The following VAV3 variants were observed in gnomAD, a reference collection of about 807,000 sequenced individuals.
VAV3 encodes guanine nucleotide exchange factor VAV3.
In VAV3, 94 loss-of-function variants were observed where a neutral mutation model predicts 131.2. That is an observed-to-expected ratio of 0.72 (90% CI 0.61 to 0.85). The LOEUF is 0.85. Among genes scored for constraint, VAV3 ranks in the 40% least tolerant of loss-of-function variants. The pLI is 0.00. For synonymous variants in VAV3, 349 were observed against 342.0 expected (o/e 1.02, Z -0.22); for missense variants, 939 against 1,002.7 (o/e 0.94, Z 0.86).
Position 107,571,630 on chromosome 1 carries a change from T to G in VAV3, c.*1701A>C, listed in dbSNP as rs1649266672. On this transcript the variant is annotated 3_prime_UTR_variant, in exon 27 of 27. Coordinates refer to ENST00000370056, the MANE Select transcript of VAV3 (RefSeq NM_006113.5). Reference sequence around the variant, plus strand: ...ATAAGACTTTACAGGAAAGAATCCATTCCAAGAGTACACTTTGAGGTGTAA... The same window carrying G: ...ATAAGACTTTACAGGAAAGAATCCAGTCCAAGAGTACACTTTGAGGTGTAA... The G allele has an allele frequency of 6.6e-6, 1 of 152,608 alleles. No individual in the cohort carries two copies. Among genetic ancestry groups the G allele is most frequent in the African/African-American group, 2.4e-5 (1 of 41,440 alleles). 9.5% of individuals were successfully genotyped at this position (152,608 alleles called of 1,614,324 possible). A position where few individuals can be genotyped will look rare whatever the true frequency, so the allele number is the denominator to read the frequency against.
intron 25 of VAV3, among the ~76,000 whole-genome samples, chr1:107,590,079 C>G (rs1650818942): frequency 6.6e-6 from 1 of 152,180 alleles, no homozygotes; most frequent in Non-Finnish European, 1.5e-5. Context: ...AGACCACACC[C>G]AGGGAGAGAC....
chr1:107,865,769 G>T (rs1669956425), intron 2 of VAV3, among the ~76,000 whole-genome samples: 2 of 152,184 alleles, frequency 1.3e-5, no homozygotes, highest in African/African-American at 2.4e-5. Flanking sequence ...TCAGGTGAAG[G>T]TTTGGCAATT....
chr1:107,774,974 AGGTG>A (rs1665265203), intron 4 of VAV3, among the ~76,000 whole-genome samples: 2 of 151,670 alleles, frequency 1.3e-5, no homozygotes, highest in African/African-American at 2.4e-5. Flanking sequence ...TGGGAGGCCA[AGGTG>A]GGTGGATTGC....
chr1:107,702,915 C>T (rs371578808), intron 17 of VAV3, among the ~76,000 whole-genome samples: 3 of 151,972 alleles, frequency 2.0e-5, no homozygotes, highest in Non-Finnish European at 2.9e-5. Flanking sequence ...TCATAATAAT[C>T]GTCTAATTTA....
intron 18 of VAV3, among the ~76,000 whole-genome samples, chr1:107,686,313 A>G (rs1415284118): frequency 1.3e-5 from 2 of 152,168 alleles, no homozygotes; most frequent in African/African-American, 4.8e-5. Flanking sequence ...AATAAAGTGC[A>G]AAATTTAAAA....
chr1:107,576,312 G>T (rs1159412183), intron 25 of VAV3: 4 of 1,198,590 alleles, frequency 3.3e-6, no homozygotes. Context: ...ATCCGTATGA[G>T]AAGCCATACA....
At chr1:107,908,322 T>C (rs1034891320) in intron 1 of VAV3, among the ~76,000 whole-genome samples, 1 of 152,216 alleles carries the variant, frequency 6.6e-6, no homozygotes, top group Non-Finnish European at 1.5e-5. Flanking sequence ...ACTGTAGGGC[T>C]ATAGGTGGCT....
At chr1:107,799,305 A>G (rs1274706833) in intron 2 of VAV3, among the ~76,000 whole-genome samples, 8 of 150,354 alleles carry the variant, frequency 5.3e-5, no homozygotes, top group African/African-American at 2.0e-4. Context: ...TTTAGTGTTC[A>G]CCTATCAAAA....
chr1:107,877,756 T>A (rs1428240341), intron 1 of VAV3, among the ~76,000 whole-genome samples: 2 of 152,170 alleles, frequency 1.3e-5, no homozygotes, highest in Non-Finnish European at 2.9e-5. Flanking sequence ...CTGGAAATGT[T>A]AAAAATGAAC....
chr1:107,633,087 T>C (rs1654627567), intron 20 of VAV3, among the ~76,000 whole-genome samples: 1 of 152,304 alleles, frequency 6.6e-6, no homozygotes, highest in Admixed American at 6.5e-5. Context: ...ACTTTTAACA[T>C]TATGTGGCTG....
At chr1:107,902,403 T>A (rs1267006113) in intron 1 of VAV3, among the ~76,000 whole-genome samples, 1 of 152,240 alleles carries the variant, frequency 6.6e-6, no homozygotes, top group Admixed American at 6.5e-5. Context: ...TTTGTCTACA[T>A]ATGATGATTG....
At chr1:107,669,521 A>T in intron 19 of VAV3, 1 of 1,272,876 alleles carries the variant, frequency 7.9e-7, no homozygotes. Flanking sequence ...ATGCCTGAAA[A>T]TTTCACCATG....
At chr1:107,664,003 A>G (rs961980067) in intron 19 of VAV3, among the ~76,000 whole-genome samples, 60 of 152,302 alleles carry the variant, frequency 3.9e-4, no homozygotes, top group Non-Finnish European at 1.0e-4. Context: ...GCTTTTCATT[A>G]TTTTTGTACA....
At chr1:107,657,649 G>A (rs1378428497) in intron 19 of VAV3, among the ~76,000 whole-genome samples, 2 of 152,150 alleles carry the variant, frequency 1.3e-5, no homozygotes, top group Admixed American at 1.3e-4. Context: ...GAGGTCAACT[G>A]AAGTTCCACA....
In VAV3 at chr1:107,695,612, G is replaced by A. The variant is rs1248268336; in HGVS notation, c.1706-7206C>T. On this transcript the variant is annotated intron_variant, in intron 17 of 26. Transcript: ENST00000370056. Reference sequence around the variant, plus strand: ...AGGTCAATGCAAGACGCATGGGAGGGGATATGTAAGGAGAAGATGGTAATT... The same window carrying A: ...AGGTCAATGCAAGACGCATGGGAGGAGATATGTAAGGAGAAGATGGTAATT... Among the ~76,000 whole-genome samples, 3 of 152,100 alleles carry A rather than the reference G, an allele frequency of 2.0e-5. No homozygotes were observed. In the East Asian group the frequency reaches 5.8e-4, roughly 29 times the overall value.
chr1:107,890,736 C>T (rs1671272579), intron 1 of VAV3, among the ~76,000 whole-genome samples: 1 of 152,204 alleles, frequency 6.6e-6, no homozygotes, highest in Admixed American at 6.5e-5. Flanking sequence ...CTTCTTTACC[C>T]CCAACTCTAG....
intron 17 of VAV3, among the ~76,000 whole-genome samples, chr1:107,689,904 T>G (rs893578687): frequency 6.6e-6 from 1 of 152,188 alleles, no homozygotes; most frequent in Admixed American, 6.5e-5. Flanking sequence ...TGAGACTTGC[T>G]TCACTGGTTT....
chr1:107,958,066 T>C (rs552637705), intron 1 of VAV3, among the ~76,000 whole-genome samples: 2 of 152,236 alleles, frequency 1.3e-5, no homozygotes, highest in African/African-American at 4.8e-5. Flanking sequence ...ACAACTACTT[T>C]ACATGAAAAG....
At chr1:107,793,281 A>C (rs1239239651) in intron 2 of VAV3, among the ~76,000 whole-genome samples, 2 of 152,140 alleles carry the variant, frequency 1.3e-5, no homozygotes, top group African/African-American at 2.4e-5. Flanking sequence ...TGTAACTAAA[A>C]CCACAAAAAC....
Sources: gnomAD v4.1 joint callset for allele counts (sites outside exome capture counted in the v4.1 genomes callset) on GRCh38, gnomAD v4.1.1 for gene constraint, MANE v1.5 for transcripts, NCBI Gene and HGNC (gene_info 2026-07-23, HGNC 2026-07-21) for gene names.